PROK1: variants seen among roughly 807,000 people sequenced by gnomAD.
PROK1 encodes prokineticin 1, also known as prokineticin-1.
In PROK1, 10 loss-of-function variants were observed where a neutral mutation model predicts 8.8. That is an observed-to-expected ratio of 1.13 (90% CI 0.70 to 1.92). The LOEUF is 1.92. PROK1 is among the 30% of genes most tolerant of loss of function. The pLI, the probability that PROK1 is intolerant of heterozygous loss-of-function variation, is 0.00. For missense variants in PROK1, 140 were observed against 139.7 expected, an observed-to-expected ratio of 1.00 and a Z score of -0.01; for synonymous variants, 57 against 56.0, an observed-to-expected ratio of 1.02 and a Z score of -0.08.
Position 110,456,372 on chromosome 1 carries a change from T to C in PROK1, c.*21T>C. The C allele has an allele frequency of 6.2e-7, 1 of 1,613,470 alleles. No homozygotes were observed. The highest frequency in any genetic ancestry group is 1.1e-5 in the South Asian group (1 of 91,080). ...TTTAGGCGCTTGCCTGGTCTCAGGA[T>C]ACCCACCATCCTTTTCCTGAGCACA... On this transcript the variant is annotated 3_prime_UTR_variant, in exon 3 of 3. Transcript: ENST00000271331.
chr1:110,451,878 C>T (rs1477374047), intron 1 of PROK1, among the ~76,000 whole-genome samples: 2 of 152,070 alleles, frequency 1.3e-5, no homozygotes, highest in African/African-American at 2.4e-5. Context: ...CTGAGTGTAC[C>T]CCAAAGCAAG....
In PROK1 at chr1:110,456,413, T is replaced by C; in HGVS notation, c.*62T>C. 1 of 1,606,244 alleles carries C rather than the reference T, an allele frequency of 6.2e-7. No individual in the cohort carries two copies. The highest frequency in any genetic ancestry group is 8.5e-7 in the Non-Finnish European group (1 of 1,177,608). ...CCTGAGCACAGCCTGGATTTTTATT[T>C]CTGCCATGAAACCCAGCTCCCATGA... On this transcript the variant is annotated 3_prime_UTR_variant, in exon 3 of 3. Coordinates refer to ENST00000271331, the MANE Select transcript of PROK1 (RefSeq NM_032414.3).
rs1208655752 is a variant in PROK1 at position 110,456,689 on chromosome 1, C to T, written c.*338C>T. 2.3e-5 allele frequency: 9 copies of T among 385,012 alleles called. No homozygotes were observed. Among genetic ancestry groups the T allele is most frequent in the Admixed American group, 7.3e-5 (2 of 27,258 alleles). The allele number at this position is 385,012 out of a possible 1,614,324, so 23.8% of individuals were successfully genotyped here. ...ACCTGCTCTCTTTCCTGGGCCCTGC[C>T]CCTCTCCCCACATGTATCCCTCGGT... is the stretch of plus-strand genomic sequence containing the variant. On this transcript the variant is annotated 3_prime_UTR_variant, in exon 3 of 3. Transcript: ENST00000271331.
chr1:110,453,889 T>A, intron 1 of PROK1, 72 bp from the exon 2 acceptor site: 1 of 1,603,316 alleles, frequency 6.2e-7, no homozygotes, highest in East Asian at 2.2e-5. Flanking sequence ...AAGGGCTTTT[T>A]GGATCTACCC....
chr1:110,456,282 C>T lies in PROK1; in HGVS notation c.249C>T (p.Asn83=). 19 of 1,614,068 alleles carry T rather than the reference C, an allele frequency of 1.2e-5. No individual in the cohort carries two copies. The highest frequency in any genetic ancestry group is 1.6e-5 in the Non-Finnish European group (19 of 1,180,040). Residue 83 remains asparagine (N), a synonymous_variant, in exon 3 of 3, where the codon AAC becomes AAT. Transcript: ENST00000271331. ...RKHHTCPCLP[N]LLCSRFPDGR... is the part of the protein sequence containing the mutation. ...ACCACACCTGTCCTTGCTTGCCCAA[C>T]CTGCTGTGCTCCAGGTTCCCGGACG...
chr1:110,454,733 A>T (rs1481332156), intron 2 of PROK1, among the ~76,000 whole-genome samples: 1 of 152,210 alleles, frequency 6.6e-6, no homozygotes, highest in African/African-American at 2.4e-5. Flanking sequence ...ACCTGCTCTC[A>T]GGCCACACTT....
intron 2 of PROK1, 87 bp from the exon 3 acceptor site, chr1:110,456,143 CTT>C (rs1664168290): frequency 2.1e-6 from 3 of 1,458,786 alleles, no homozygotes; most frequent in Non-Finnish European, 1.9e-6. Context: ...GGGGGTGAGA[CTT>C]TTGCCAGTGC....
At chr1:110,453,750 C>T (rs771806615) in intron 1 of PROK1, among the ~76,000 whole-genome samples, 1 of 152,198 alleles carries the variant, frequency 6.6e-6, no homozygotes, top group Non-Finnish European at 1.5e-5. Context: ...TCCTCAGATC[C>T]AGATCCAATG....
intron 2 of PROK1, among the ~76,000 whole-genome samples, chr1:110,455,296 C>T (rs1348634614): frequency 6.6e-6 from 1 of 152,232 alleles, no homozygotes; most frequent in East Asian, 1.9e-4. Flanking sequence ...TACCAGCTGT[C>T]TTCCACCTGG....
intron 1 of PROK1, 51 bp downstream of exon 1, chr1:110,451,339 T>C: frequency 6.5e-7 from 1 of 1,532,452 alleles, no homozygotes; most frequent in Non-Finnish European, 9.0e-7. Context: ...GATGTCAGGG[T>C]CTGCACGGGT....
chr1:110,451,829 G>A (rs909384934), intron 1 of PROK1, among the ~76,000 whole-genome samples: 2 of 152,140 alleles, frequency 1.3e-5, no homozygotes, highest in African/African-American at 4.8e-5. Context: ...TGCCTGCCTA[G>A]TTAGTTCTGA....
Position 110,456,425 on chromosome 1 carries a change from C to T in PROK1, c.*74C>T. 1 of 1,586,590 alleles carries T rather than the reference C, an allele frequency of 6.3e-7. No homozygotes were observed. Among genetic ancestry groups the T allele is most frequent in the Non-Finnish European group, 8.6e-7 (1 of 1,163,026 alleles). Reference sequence around the variant, plus strand: ...CTGGATTTTTATTTCTGCCATGAAACCCAGCTCCCATGACTCTCCCAGTCC... The same window carrying T: ...CTGGATTTTTATTTCTGCCATGAAATCCAGCTCCCATGACTCTCCCAGTCC... On this transcript the variant is annotated 3_prime_UTR_variant, in exon 3 of 3. Transcript: ENST00000271331.
rs142388637 is a variant in PROK1 at position 110,454,050 on chromosome 1, G to T, written c.162G>T (p.Gly54=). 5.9e-3 allele frequency: 9,495 copies of T among 1,614,008 alleles called. 85 individuals are homozygous for T. Among genetic ancestry groups the T allele is most frequent in the South Asian group, 0.026 (2,345 of 91,074 alleles). ...GGCTGCGGATGTGCACCCCGCTGGG[G>T]CGGGAAGGCGAGGAGTGCCACCCCG... ...LRGLRMCTPL[G]REGEECHPGS... Residue 54 remains glycine (G), a synonymous_variant, in exon 2 of 3, where the codon GGG becomes GGT. Transcript: ENST00000271331.
At position 110,452,620 on chromosome 1, in the gene PROK1, G is replaced by T. The variant is rs1020312090; in HGVS notation, c.72+1332G>T. Among the ~76,000 whole-genome samples the T allele has an allele frequency of 7.9e-5, 12 of 152,184 alleles. No individual in the cohort carries two copies. In the East Asian group the frequency reaches 2.1e-3, roughly 27 times the overall value. On this transcript the variant is annotated intron_variant, in intron 1 of 2. Transcript: ENST00000271331. ...TTCACGGTGAAAAGCACAATAGAGA[G>T]CACTTTTCCCTAGGTGAGGGAAACC...
rs1367072911 is a variant in PROK1, at chr1:110,457,135, T to C, written c.*784T>C. ...GTGGTGGTTCAATCTAATCTGATAT[T>C]GACATATTAGAAGGCAATTAGGGTG... On this transcript the variant is annotated 3_prime_UTR_variant, in exon 3 of 3. Transcript: ENST00000271331. The C allele has an allele frequency of 6.5e-6, 1 of 153,284 alleles. No homozygotes were observed. The highest frequency in any genetic ancestry group is 2.4e-5 in the African/African-American group (1 of 41,438). The allele number at this position is 153,284 out of a possible 1,614,324, so 9.5% of individuals were successfully genotyped here.
intron 2 of PROK1, among the ~76,000 whole-genome samples, chr1:110,455,289 C>T (rs979630091): frequency 6.6e-6 from 1 of 152,178 alleles, no homozygotes; most frequent in Non-Finnish European, 1.5e-5. Context: ...TCAGGCTTAC[C>T]AGCTGTCTTC....
At position 110,456,637 on chromosome 1, in the gene PROK1, G is replaced by A. The variant is rs1664178254; in HGVS notation, c.*286G>A. ...CCAGAGAGGTGGTAAATGGCAGAAAGGACATTCCCCCTCCCCTCCCCAGGT... is the reference window on the plus strand; with the variant it reads ...CCAGAGAGGTGGTAAATGGCAGAAAAGACATTCCCCCTCCCCTCCCCAGGT... On this transcript the variant is annotated 3_prime_UTR_variant, in exon 3 of 3. Coordinates refer to ENST00000271331, the MANE Select transcript of PROK1 (RefSeq NM_032414.3). 2.2e-6 allele frequency: 1 copy of A among 453,466 alleles called. No homozygotes were observed. Among genetic ancestry groups the A allele is most frequent in the East Asian group, 4.6e-5 (1 of 21,804 alleles). 28.1% of individuals were successfully genotyped at this position (453,466 alleles called of 1,614,324 possible). A position where few individuals can be genotyped will look rare whatever the true frequency, so the allele number is the denominator to read the frequency against.
Position 110,454,064 on chromosome 1 carries a change from A to G in PROK1, c.176A>G (p.Glu59Gly), listed in dbSNP as rs1475692387. 8 of 1,613,728 alleles carry G rather than the reference A, an allele frequency of 5.0e-6. No individual in the cohort carries two copies. The highest frequency in any genetic ancestry group is 5.9e-6 in the Non-Finnish European group (7 of 1,179,950). The part of the protein sequence containing the change: ...MCTPLGREGE[E>G]CHPGSHKVPF... ...ACCCCGCTGGGGCGGGAAGGCGAGG[A>G]GTGCCACCCCGGCAGCCACAAGGTA... Residue 59 changes from glutamate (E) to glycine (G), a missense_variant, in exon 2 of 3, where the codon GAG becomes GGG. Coordinates refer to ENST00000271331, the MANE Select transcript of PROK1 (RefSeq NM_032414.3).
chr1:110,451,872 G>A (rs1487892457), intron 1 of PROK1, among the ~76,000 whole-genome samples: 3 of 151,916 alleles, frequency 2.0e-5, no homozygotes, highest in African/African-American at 2.4e-5. Flanking sequence ...ATTCAGCTGA[G>A]TGTACCCCAA....
Sources: gnomAD v4.1 joint callset for allele counts (sites outside exome capture counted in the v4.1 genomes callset) on GRCh38, gnomAD v4.1.1 for gene constraint, MANE v1.5 for transcripts, NCBI Gene and HGNC (gene_info 2026-07-23, HGNC 2026-07-21) for gene names.